The following CDC42BPB variants were observed in gnomAD, a reference collection of about 807,000 sequenced individuals.
CDC42BPB encodes serine/threonine-protein kinase MRCK beta.
Under a neutral mutation model 214.9 loss-of-function variants are expected in CDC42BPB, and 37 were observed. That is an observed-to-expected ratio of 0.17 (90% CI 0.13 to 0.23). The LOEUF is 0.23. CDC42BPB is among the 10% of genes least tolerant of loss of function. CDC42BPB has a pLI of 1.00. For missense variants in CDC42BPB, 1,694 were observed against 2,227.0 expected (o/e 0.76, Z 4.82); for synonymous variants, 931 against 884.0 (o/e 1.05, Z -0.94).
chr14:103,028,877 G>C (rs1887193151), intron 1 of CDC42BPB, among the ~76,000 whole-genome samples: 1 of 152,124 alleles, frequency 6.6e-6, no homozygotes, highest in South Asian at 2.1e-4. Context: ...TCATGCCAGG[G>C]ACTTTTTTTC....
intron 5 of CDC42BPB, among the ~76,000 whole-genome samples, chr14:102,997,061 G>C (rs777316707): frequency 1.2e-4 from 19 of 152,154 alleles, no homozygotes; most frequent in Non-Finnish European, 2.6e-4. Flanking sequence ...ACTCCAGCAA[G>C]ACGGAAGAGC....
Position 103,025,952 on chromosome 14 carries a change from G to A in CDC42BPB, c.176-13764C>T, listed in dbSNP as rs116444528. Among the ~76,000 whole-genome samples, 282 of 152,260 alleles carry A rather than the reference G, an allele frequency of 1.9e-3. 2 individuals carry two copies. The highest frequency in any genetic ancestry group is 6.5e-3 in the African/African-American group (268 of 41,530). On this transcript the variant is annotated intron_variant, in intron 1 of 36. Transcript: ENST00000361246. Reference sequence around the variant, plus strand: ...GAAACAGACACAACCCCAAGATCATGCAATGGGGGAAAACAGCATCTTCAA... The same window carrying A: ...GAAACAGACACAACCCCAAGATCATACAATGGGGGAAAACAGCATCTTCAA...
At chr14:103,024,308 T>C (rs1017949258) in intron 1 of CDC42BPB, among the ~76,000 whole-genome samples, 1 of 152,220 alleles carries the variant, frequency 6.6e-6, no homozygotes, top group African/African-American at 2.4e-5. Context: ...TTACTCTTCC[T>C]GGCTCTCTAA....
At chr14:103,021,629 G>A (rs1015121918) in intron 1 of CDC42BPB, among the ~76,000 whole-genome samples, 4 of 151,100 alleles carry the variant, frequency 2.6e-5, no homozygotes, top group East Asian at 3.9e-4. Context: ...GCAGTGACCC[G>A]AGATCGTGCC....
chr14:102,945,833 A>T, intron 28 of CDC42BPB, 109 bp from the exon 29 acceptor site: 1 of 888,494 alleles, frequency 1.1e-6, no homozygotes, highest in Non-Finnish European at 1.9e-6. Context: ...CCATATGTGG[A>T]TGAGAATACA....
At chr14:103,025,128 T>A (rs796876564) in intron 1 of CDC42BPB, among the ~76,000 whole-genome samples, 2 of 152,334 alleles carry the variant, frequency 1.3e-5, no homozygotes, top group African/African-American at 4.8e-5. Context: ...TACCATCTTC[T>A]GAAGAATTGA....
At chr14:102,986,448 C>T (rs1231966884) in intron 6 of CDC42BPB, 39 bp downstream of exon 6, 5 of 1,531,304 alleles carry the variant, frequency 3.3e-6, no homozygotes, top group Non-Finnish European at 4.5e-6. Flanking sequence ...ATATGCCAAA[C>T]CCAAAACCAA....
At chr14:103,047,675 G>A (rs188531141) in intron 1 of CDC42BPB, among the ~76,000 whole-genome samples, 6 of 152,210 alleles carry the variant, frequency 3.9e-5, no homozygotes, top group Non-Finnish European at 7.4e-5. Flanking sequence ...AGGCCGAAGC[G>A]GGCAGATTCC....
At chr14:102,934,946 C>G (rs1186981026) in intron 36 of CDC42BPB, among the ~76,000 whole-genome samples, 1 of 149,926 alleles carries the variant, frequency 6.7e-6, no homozygotes, top group Non-Finnish European at 1.5e-5. Flanking sequence ...GGAGGCGGAG[C>G]TTGCAGTGAG....
At chr14:103,007,644 G>C (rs1595138198) in intron 3 of CDC42BPB, among the ~76,000 whole-genome samples, 1 of 152,242 alleles carries the variant, frequency 6.6e-6, no homozygotes, top group Non-Finnish European at 1.5e-5. Context: ...CCAGGCACAG[G>C]CCTCGCTCAG....
Position 102,933,765 on chromosome 14 carries a change from G to A in CDC42BPB, c.5083C>T (p.His1695Tyr), listed in dbSNP as rs760303410. 7 of 1,500,192 alleles carry A rather than the reference G, an allele frequency of 4.7e-6. No homozygotes were observed. The highest frequency in any genetic ancestry group is 5.9e-5 in the Admixed American group (2 of 34,066). The allele number at this position is 1,500,192 out of a possible 1,614,324, so 92.9% of individuals were successfully genotyped here. The part of the protein sequence containing the change: ...PSGPPSPNSP[H>Y]RSQLPLEGLE... ...CCTTCGAGGGGGAGCTGGCTCCTGT[G>A]GGGGGAGTTGGGGCTCGGTGGGCCG... Residue 1695 changes from histidine (H) to tyrosine (Y), a missense_variant, in exon 37 of 37, where the codon CAC (histidine) becomes TAC (tyrosine). Around this residue, in one of 7 missense-constraint regions of CDC42BPB, gnomAD observed 146 missense variants for 134.1 expected, o/e 1.09. Transcript: ENST00000361246.
intron 1 of CDC42BPB, among the ~76,000 whole-genome samples, chr14:103,027,486 T>G (rs999729768): frequency 2.6e-5 from 4 of 152,222 alleles, no homozygotes; most frequent in Admixed American, 2.6e-4. Context: ...CATCAACTGA[T>G]AGCTAAATAA....
intron 13 of CDC42BPB, 107 bp downstream of exon 13, chr14:102,971,812 A>T: frequency 8.5e-7 from 1 of 1,179,734 alleles, no homozygotes; most frequent in South Asian, 1.5e-5. Context: ...CTCCACAGAA[A>T]ATTTCTGACC....
At position 102,935,160 on chromosome 14, in the gene CDC42BPB, A is replaced by C. The variant is rs184442495; in HGVS notation, c.5005-1317T>G. Among the ~76,000 whole-genome samples, 188 of 152,336 alleles carry C rather than the reference A, an allele frequency of 1.2e-3. 3 individuals are homozygous for C. Among genetic ancestry groups the C allele is most frequent in the Admixed American group, 0.011 (163 of 15,304 alleles). On this transcript the variant is annotated intron_variant, in intron 36 of 36. Coordinates refer to ENST00000361246, the MANE Select transcript of CDC42BPB (RefSeq NM_006035.4). ...AAATGAAAAGGATTCCAAGTTAGGAAGGAAGTAAAGCTATCTCTCTTTGCA... is the reference window on the plus strand; with the variant it reads ...AAATGAAAAGGATTCCAAGTTAGGACGGAAGTAAAGCTATCTCTCTTTGCA...
intron 4 of CDC42BPB, among the ~76,000 whole-genome samples, chr14:103,000,436 T>C (rs940958609): frequency 9.9e-5 from 15 of 152,232 alleles, no homozygotes; most frequent in African/African-American, 3.1e-4. Context: ...GCCCACAGTC[T>C]GTGGAGGCCC....
intron 1 of CDC42BPB, among the ~76,000 whole-genome samples, chr14:103,018,155 T>C (rs776074723): frequency 5.9e-5 from 9 of 152,152 alleles, no homozygotes; most frequent in Non-Finnish European, 1.3e-4. Flanking sequence ...TATGAGAATC[T>C]AATGCCACGC....
intron 30 of CDC42BPB, chr14:102,940,722 T>C (rs1891852846): frequency 8.1e-6 from 2 of 247,670 alleles, no homozygotes; most frequent in South Asian, 5.7e-5. Flanking sequence ...AATTCTTCCG[T>C]AGGAGATGGC....
At position 102,980,929 on chromosome 14, in the gene CDC42BPB, C is replaced by A. The variant is rs1893968539; in HGVS notation, c.984G>T (p.Leu328=). 1.2e-6 allele frequency: 2 copies of A among 1,614,076 alleles called. No homozygotes were observed. The highest frequency in any genetic ancestry group is 1.7e-5 in the Admixed American group (1 of 59,992). ...TGAAATCCTCTATTCCATTCTGCCC[C>A]AGCCGGCGTTCTCTACTGCAGATCA... ...QRLICSRERR[L]GQNGIEDFKK... Residue 328 remains leucine, a synonymous_variant, in exon 8 of 37, where the codon CTG becomes CTT. Transcript: ENST00000361246.
chr14:102,954,560 C>T, intron 22 of CDC42BPB, 42 bp downstream of exon 22: 2 of 1,556,348 alleles, frequency 1.3e-6, no homozygotes. Context: ...GACACGAGGG[C>T]AGACCCCAGG....
Sources: gnomAD v4.1 joint callset for allele counts (sites outside exome capture counted in the v4.1 genomes callset) on GRCh38, gnomAD v4.1.1 for gene constraint, gnomAD v4.1.1 regional missense constraint, MANE v1.5 for transcripts, NCBI Gene and HGNC (gene_info 2026-07-23, HGNC 2026-07-21) for gene names.